The following RIMS2 variants were observed in gnomAD, a reference collection of about 807,000 sequenced individuals.
The protein encoded by RIMS2 is regulating synaptic membrane exocytosis protein 2.
A neutral mutation model predicts 174.4 loss-of-function variants in RIMS2; 59 were observed. The observed-to-expected ratio is 0.34, with a 90% confidence interval of 0.27 to 0.42. The LOEUF (loss-of-function observed/expected upper bound fraction) is 0.42, where lower values mean the gene tolerates loss of function less well. Ranked by LOEUF, RIMS2 falls within the 10% of genes least tolerant of loss-of-function variation. RIMS2 has a pLI of 1.00. For missense variants in RIMS2, 1,620 were observed against 1,666.3 expected, an observed-to-expected ratio of 0.97 and a Z score of 0.48; for synonymous variants, 606 against 572.5, an observed-to-expected ratio of 1.06 and a Z score of -0.84.
At chr8:103,778,883 C>G (rs995597538) in intron 3 of RIMS2, among the ~76,000 whole-genome samples, 3 of 152,110 alleles carry the variant, frequency 2.0e-5, no homozygotes, top group African/African-American at 7.2e-5. Flanking sequence ...TATGAGAGTT[C>G]TCCTTTTTCC....
chr8:103,574,875 C>G (rs1039075450), intron 1 of RIMS2, among the ~76,000 whole-genome samples: 1 of 152,216 alleles, frequency 6.6e-6, no homozygotes, highest in Non-Finnish European at 1.5e-5. Flanking sequence ...GAAGATATTT[C>G]TAGCCCTTGT....
At chr8:103,960,888 G>A (rs541951191) in intron 14 of RIMS2, among the ~76,000 whole-genome samples, 177 bp from the exon 17 acceptor site, 13 of 151,988 alleles carry the variant, frequency 8.6e-5, no homozygotes, top group Non-Finnish European at 1.8e-4. Context: ...ATATCCTCAC[G>A]TCATGAAATG....
chr8:103,868,011 A>T (rs1317908651), intron 3 of RIMS2, among the ~76,000 whole-genome samples: 1 of 151,914 alleles, frequency 6.6e-6, no homozygotes, highest in Non-Finnish European at 1.5e-5. Context: ...TTCTGTTACA[A>T]ATTTGTTTTT....
intron 3 of RIMS2, among the ~76,000 whole-genome samples, chr8:103,802,135 G>A (rs1268231476): frequency 6.6e-6 from 1 of 152,128 alleles, no homozygotes; most frequent in Non-Finnish European, 1.5e-5. Context: ...TTAAGCTGTT[G>A]TGGAGAGAAT....
chr8:104,129,369 C>A (rs2098456640), intron 19 of RIMS2, among the ~76,000 whole-genome samples: 1 of 152,166 alleles, frequency 6.6e-6, no homozygotes, highest in Admixed American at 6.6e-5. Context: ...TGGGAACGAG[C>A]AAGACCCTGT....
intron 19 of RIMS2, among the ~76,000 whole-genome samples, chr8:104,212,210 A>G (rs2511555): frequency 0.16 from 23,684 of 152,182 alleles, 2,445 homozygotes; most frequent in Non-Finnish European, 0.23. Flanking sequence ...CATTTGAGTA[A>G]ATGCTTTTGG....
intron 13 of RIMS2, among the ~76,000 whole-genome samples, chr8:103,936,923 G>C (rs1014291463): frequency 6.6e-6 from 1 of 151,916 alleles, no homozygotes; most frequent in Non-Finnish European, 1.5e-5. Context: ...GTGAAACCCC[G>C]TCTCTACTAC....
In RIMS2 at chr8:103,516,763, C is replaced by T. The variant is rs564217488; in HGVS notation, c.176+15701C>T. 9.2e-5 allele frequency among the ~76,000 whole-genome samples: 14 copies of T among 152,126 alleles called. No homozygotes were observed. The East Asian group carries it at 2.5e-3, about 27-fold the overall frequency. ...AGACAAAGAACTTCAGTAATAATAA[C>T]CCAATTGGGACAAAAGTAATAATTG... is the stretch of plus-strand genomic sequence containing the variant. On this transcript the variant is annotated intron_variant, in intron 1 of 23. Transcript: ENST00000504942.
chr8:103,624,777 CTTA>C (rs1171069181), intron 1 of RIMS2, among the ~76,000 whole-genome samples: 1 of 152,066 alleles, frequency 6.6e-6, no homozygotes, highest in African/African-American at 2.4e-5. Flanking sequence ...GGTAGGGATT[CTTA>C]TTATCCTCAA....
At chr8:104,038,048 C>A (rs1003476572) in intron 19 of RIMS2, among the ~76,000 whole-genome samples, 2 of 151,950 alleles carry the variant, frequency 1.3e-5, no homozygotes, top group African/African-American at 2.4e-5. Context: ...GTGTAGTAGG[C>A]TATACCATGT....
intron 15 of RIMS2, among the ~76,000 whole-genome samples, chr8:103,967,838 G>A (rs1457806354): frequency 7.1e-6 from 1 of 141,324 alleles, no homozygotes; most frequent in African/African-American, 2.6e-5. Context: ...TAAAATTAGT[G>A]TACCTACTCC....
chr8:104,173,680 G>A (rs1201581190), intron 19 of RIMS2, among the ~76,000 whole-genome samples: 2 of 128,436 alleles, frequency 1.6e-5, no homozygotes, highest in Non-Finnish European at 3.1e-5. Context: ...CCAGGCTGGA[G>A]TGCAGTGGTG....
At chr8:104,077,679 G>C (rs1265005660) in intron 19 of RIMS2, among the ~76,000 whole-genome samples, 16 of 138,414 alleles carry the variant, frequency 1.2e-4, no homozygotes, top group African/African-American at 3.9e-4. Context: ...CTAAAGCTCT[G>C]AACTCAGGGT....
chr8:103,572,433 G>T (rs1042595164), intron 1 of RIMS2, among the ~76,000 whole-genome samples: 1 of 152,112 alleles, frequency 6.6e-6, no homozygotes, highest in Admixed American at 6.5e-5. Flanking sequence ...GTGCTGATTG[G>T]TCCATTTTTA....
At chr8:103,780,270 C>T (rs1018517361) in intron 3 of RIMS2, among the ~76,000 whole-genome samples, 1 of 152,090 alleles carries the variant, frequency 6.6e-6, no homozygotes, top group Non-Finnish European at 1.5e-5. Context: ...CTTCCTCTAC[C>T]TGGATATTTA....
intron 14 of RIMS2, among the ~76,000 whole-genome samples, chr8:103,943,461 A>G (rs184327647): frequency 2.6e-5 from 4 of 152,246 alleles, no homozygotes; most frequent in African/African-American, 9.6e-5. Context: ...TTCTTTGTTT[A>G]TAAAAGGGAA....
intron 19 of RIMS2, among the ~76,000 whole-genome samples, chr8:104,194,906 T>C (rs1464836979): frequency 1.3e-5 from 2 of 152,178 alleles, no homozygotes; most frequent in Non-Finnish European, 2.9e-5. Flanking sequence ...ACCTCTGATA[T>C]GCAAGACAAC....
intron 19 of RIMS2, among the ~76,000 whole-genome samples, chr8:104,101,212 CG>C (rs1306680553): frequency 1.3e-5 from 2 of 150,678 alleles, no homozygotes; most frequent in African/African-American, 4.9e-5. Context: ...CTGCAACTTC[CG>C]TCACCCGGGT....
chr8:104,168,049 T>A (rs2098808136), intron 19 of RIMS2, among the ~76,000 whole-genome samples: 1 of 152,172 alleles, frequency 6.6e-6, no homozygotes, highest in Admixed American at 6.5e-5. Flanking sequence ...GCCAGTAACA[T>A]GTTGTTTTGG....
Sources: allele counts gnomAD v4.1 joint callset (sites outside exome capture counted in the v4.1 genomes callset), GRCh38; gene constraint gnomAD v4.1.1; transcripts MANE v1.5; gene names NCBI Gene and HGNC (gene_info 2026-07-23, HGNC 2026-07-21).